The following MITF variants were observed in gnomAD, a reference collection of about 807,000 sequenced individuals.
MITF encodes the protein microphthalmia-associated transcription factor.
A neutral mutation model predicts 60.5 loss-of-function variants in MITF; 17 were observed. The observed-to-expected ratio is 0.28, with a 90% CI of 0.19 to 0.42. The LOEUF (loss-of-function observed/expected upper bound fraction) is 0.42, where lower values mean the gene tolerates loss of function less well. Among genes scored for constraint, MITF ranks in the 10% least tolerant of loss-of-function variants. MITF has a pLI of 1.00. For synonymous variants in MITF, 260 were observed against 248.5 expected, an observed-to-expected ratio of 1.05 and a Z score of -0.43; for missense variants, 622 against 683.5, an observed-to-expected ratio of 0.91 and a Z score of 1.00.
chr3:69,917,168 A>T (rs931765308), intron 2 of MITF, among the ~76,000 whole-genome samples: 2 of 152,118 alleles, frequency 1.3e-5, no homozygotes, highest in Non-Finnish European at 2.9e-5. Flanking sequence ...CTGGAAATGG[A>T]TGTGTGTGGG....
intron 7 of MITF, among the ~76,000 whole-genome samples, chr3:69,955,037 A>G (rs550414065): frequency 6.6e-6 from 1 of 152,222 alleles, no homozygotes; most frequent in Non-Finnish European, 1.5e-5. Flanking sequence ...ATGCCTTATT[A>G]TGTCATCCTC....
chr3:69,800,719 G>A (rs2062905918), intron 1 of MITF, among the ~76,000 whole-genome samples: 2 of 151,880 alleles, frequency 1.3e-5, no homozygotes, highest in East Asian at 1.9e-4. Flanking sequence ...GCCTTAATTA[G>A]TTCCTCCCCC....
chr3:69,781,689 A>G (rs764291618), intron 1 of MITF, among the ~76,000 whole-genome samples: 9 of 152,200 alleles, frequency 5.9e-5, no homozygotes, highest in Non-Finnish European at 1.3e-4. Context: ...TATGCAAATA[A>G]GAAAAGGGTG....
At chr3:69,954,335 TGG>T (rs1277132548) in intron 7 of MITF, among the ~76,000 whole-genome samples, 128 of 152,280 alleles carry the variant, frequency 8.4e-4, no homozygotes, top group African/African-American at 2.8e-3. Flanking sequence ...AATAGATCAA[TGG>T]GATACATGAA....
chr3:69,820,034 G>A (rs2063243362), intron 1 of MITF, among the ~76,000 whole-genome samples: 2 of 152,130 alleles, frequency 1.3e-5, no homozygotes, highest in Non-Finnish European at 2.9e-5. Context: ...GGTAGCTATT[G>A]AACCCTTGAA....
intron 1 of MITF, among the ~76,000 whole-genome samples, chr3:69,862,166 C>A (rs1260135349): frequency 6.6e-6 from 1 of 152,120 alleles, no homozygotes; most frequent in Non-Finnish European, 1.5e-5. Flanking sequence ...CATACCCCTG[C>A]AGAATCTCAC....
chr3:69,815,433 C>T (rs2063166449), intron 1 of MITF, among the ~76,000 whole-genome samples: 1 of 152,198 alleles, frequency 6.6e-6, no homozygotes, highest in Admixed American at 6.5e-5. Flanking sequence ...GCCTACTCAA[C>T]ATGAAGATGA....
At chr3:69,900,108 G>A (rs2064963788) in intron 2 of MITF, among the ~76,000 whole-genome samples, 1 of 152,118 alleles carries the variant, frequency 6.6e-6, no homozygotes, top group Non-Finnish European at 1.5e-5. Flanking sequence ...TGCCGAGTGG[G>A]AGGGGTGGGG....
At chr3:69,754,374 G>A (rs1041516335) in intron 1 of MITF, among the ~76,000 whole-genome samples, 4 of 152,042 alleles carry the variant, frequency 2.6e-5, no homozygotes, top group Non-Finnish European at 5.9e-5. Flanking sequence ...ATACCAACAC[G>A]CCATGTTGGC....
chr3:69,843,650 T>C (rs2063678922), intron 1 of MITF, among the ~76,000 whole-genome samples: 1 of 152,174 alleles, frequency 6.6e-6, no homozygotes, highest in Non-Finnish European at 1.5e-5. Context: ...CTTTGGGTTT[T>C]TATTTTATGT....
rs141124719 is a variant in MITF, at chr3:69,780,349, T to C, written c.104+40648T>C. ...TTTGTGAAATCTCTCAATTTTTAAATGTTACCTAATATAAAATTACAAAGA... is the reference window on the plus strand; with the variant it reads ...TTTGTGAAATCTCTCAATTTTTAAACGTTACCTAATATAAAATTACAAAGA... On this transcript the variant is annotated intron_variant, in intron 1 of 9. Coordinates refer to ENST00000352241, the MANE Select transcript of MITF (RefSeq NM_001354604.2). 3.4e-3 allele frequency among the ~76,000 whole-genome samples: 512 copies of C among 152,310 alleles called. 3 individuals carry two copies. Among genetic ancestry groups the C allele is most frequent in the Non-Finnish European group, 5.5e-3 (376 of 68,016 alleles).
At chr3:69,865,941 A>G (rs954830876) in intron 1 of MITF, among the ~76,000 whole-genome samples, 2 of 152,176 alleles carry the variant, frequency 1.3e-5, no homozygotes, top group African/African-American at 2.4e-5. Flanking sequence ...TTCTCTAATA[A>G]TGTGCAGTCT....
chr3:69,819,394 AATCTTC>A (rs2063230711), intron 1 of MITF, among the ~76,000 whole-genome samples: 3 of 152,220 alleles, frequency 2.0e-5, no homozygotes, highest in African/African-American at 7.2e-5. Flanking sequence ...AAGCTAGAAG[AATCTTC>A]TTGCTGTGGT....
At chr3:69,899,551 G>A (rs1223351229) in intron 2 of MITF, among the ~76,000 whole-genome samples, 3 of 152,086 alleles carry the variant, frequency 2.0e-5, no homozygotes, top group African/African-American at 7.2e-5. Flanking sequence ...AACCAACATG[G>A]GTACATGGCA....
At chr3:69,944,926 T>C (rs2066057407) in intron 5 of MITF, among the ~76,000 whole-genome samples, 1 of 152,190 alleles carries the variant, frequency 6.6e-6, no homozygotes, top group African/African-American at 2.4e-5. Context: ...TTAATGTTCT[T>C]CGTGTTAGGC....
intron 7 of MITF, among the ~76,000 whole-genome samples, chr3:69,955,881 G>C (rs749002354): frequency 6.6e-6 from 1 of 152,154 alleles, no homozygotes; most frequent in Non-Finnish European, 1.5e-5. Flanking sequence ...ATTTCAGCAT[G>C]ACAAGTAAAT....
At chr3:69,879,602 A>G (rs1388600603) in intron 2 of MITF, among the ~76,000 whole-genome samples, 8 of 152,194 alleles carry the variant, frequency 5.3e-5, no homozygotes, top group African/African-American at 1.7e-4. Context: ...GTGGGAGTCA[A>G]TGTTCCATGA....
intron 1 of MITF, among the ~76,000 whole-genome samples, chr3:69,768,270 T>A (rs191803624): frequency 8.5e-5 from 13 of 152,292 alleles, no homozygotes; most frequent in Admixed American, 8.5e-4. Context: ...TAAAGTTAGA[T>A]AAGAAGATAA....
chr3:69,940,096 G>A (rs975206521), intron 4 of MITF, among the ~76,000 whole-genome samples: 5 of 152,142 alleles, frequency 3.3e-5, no homozygotes, highest in African/African-American at 9.7e-5. Flanking sequence ...TGAATGCTCT[G>A]TACAGTTTGT....
Sources: allele counts gnomAD v4.1 joint callset (sites outside exome capture counted in the v4.1 genomes callset), GRCh38; gene constraint gnomAD v4.1.1; transcripts MANE v1.5; gene names NCBI Gene and HGNC (gene_info 2026-07-23, HGNC 2026-07-21).